Variants in CORO7 observed in about 807,000 individuals in gnomAD.
The protein encoded by CORO7 is coronin-7.
CORO7 carries 107 observed loss-of-function variants against 126.6 expected under a neutral mutation model. That is an observed-to-expected ratio of 0.85 (90% CI 0.72 to 0.99). The LOEUF is 0.99. Among genes scored for constraint, CORO7 ranks in the 50% least tolerant of loss-of-function variants. The pLI is 0.00. For synonymous variants in CORO7, 603 were observed against 536.8 expected, an observed-to-expected ratio of 1.12 and a Z score of -1.70; for missense variants, 1,314 against 1,255.8, an observed-to-expected ratio of 1.05 and a Z score of -0.70.
intron 6 of CORO7, among the ~76,000 whole-genome samples, chr16:4,403,330 T>C (rs898453025): frequency 6.6e-6 from 1 of 152,120 alleles, no homozygotes; most frequent in Non-Finnish European, 1.5e-5. Flanking sequence ...AGGACCCCGA[T>C]GTACTCCCTT....
Position 4,412,377 on chromosome 16 carries a change from C to T in CORO7, c.211G>A (p.Ala71Thr), listed in dbSNP as rs1220319789. ...QGQGEDKRRV[A>T]HLGCHSDLVT... Reference sequence around the variant, plus strand: ...TCACCTGAATGGCAGCCCAGGTGGGCCACGCGTCGCTTGTCCTCTCCTTGG... The same window carrying T: ...TCACCTGAATGGCAGCCCAGGTGGGTCACGCGTCGCTTGTCCTCTCCTTGG... Residue 71 changes from alanine to threonine, a missense_variant, in exon 3 of 28, where the codon GCC (alanine) becomes ACC (threonine). Physicochemically the swap from Ala to Thr is moderately conservative, Grantham distance 58. Coordinates refer to ENST00000251166, the MANE Select transcript of CORO7 (RefSeq NM_024535.5). 6.2e-7 allele frequency: 1 copy of T among 1,614,172 alleles called. No homozygotes were observed. The highest frequency in any genetic ancestry group is 8.5e-7 in the Non-Finnish European group (1 of 1,180,028).
intron 7 of CORO7, among the ~76,000 whole-genome samples, chr16:4,389,825 CG>C (rs1361193173): frequency 1.3e-5 from 2 of 152,204 alleles, no homozygotes; most frequent in East Asian, 3.8e-4. Flanking sequence ...CAAATATCTG[CG>C]TGTGTGCAGC....
intron 27 of CORO7, 53 bp downstream of exon 27, chr16:4,355,233 C>T: frequency 6.2e-7 from 1 of 1,605,620 alleles, no homozygotes; most frequent in African/African-American, 1.3e-5. Context: ...TGCACCGTGG[C>T]ATGTGCGAGG....
At chr16:4,395,385 G>T (rs777362605) in intron 6 of CORO7, 46 bp from the exon 7 acceptor site, 13 of 1,612,516 alleles carry the variant, frequency 8.1e-6, no homozygotes, top group Middle Eastern at 1.7e-4. Flanking sequence ...AGGGCTGGAG[G>T]GTCCCTGGAA....
At position 4,359,383 on chromosome 16, in the gene CORO7, G is replaced by C. The variant is rs547483612; in HGVS notation, c.2253C>G (p.Gly751=). The change falls in exon 23 of 28, where the codon GGC becomes GGG. Residue 751 remains glycine (G), a splice_region_variant and synonymous_variant. Coordinates refer to ENST00000251166, the MANE Select transcript of CORO7 (RefSeq NM_024535.5). ...GCTCGTACAGGAATACACGGGTGTC[G>C]CCCTGCGGGGAAGAAGGCAGGCTGG... The part of the protein sequence containing the change: ...DTGLVLLTGK[G]DTRVFLYELL... 11 of 1,613,556 alleles carry C rather than the reference G, an allele frequency of 6.8e-6. No individual in the cohort carries two copies. Among genetic ancestry groups the C allele is most frequent in the Non-Finnish European group, 8.5e-6 (10 of 1,179,958 alleles).
In CORO7 at chr16:4,362,212, G is replaced by T. The variant is rs112909993; in HGVS notation, c.1403-52C>A. On this transcript the variant is annotated intron_variant, in intron 15 of 27. Transcript: ENST00000251166. This position sits in a 1 kb window ranked among gnomAD's most constrained non-coding sequence, Gnocchi z 5.3. ...ACGTGTGAGGATGCCGTCCCCGCCC[G>T]CCCTGCACTCTTTGAGTCCCGGCTG... 2 of 1,558,362 alleles carry T rather than the reference G, an allele frequency of 1.3e-6. No homozygotes were observed. Among genetic ancestry groups the T allele is most frequent in the Non-Finnish European group, 1.7e-6 (2 of 1,151,996 alleles).
At chr16:4,367,612 G>A (rs1213497443) in intron 9 of CORO7, among the ~76,000 whole-genome samples, 1 of 152,162 alleles carries the variant, frequency 6.6e-6, no homozygotes, top group East Asian at 1.9e-4. Flanking sequence ...CCTCAGCAGT[G>A]GGGGAAGGGG....
At position 4,412,492 on chromosome 16, in the gene CORO7, A is replaced by G. The variant is rs372545291; in HGVS notation, c.158-62T>C. 5.1e-6 allele frequency: 8 copies of G among 1,575,096 alleles called. No homozygotes were observed. In the African/African-American group the frequency reaches 8.1e-5, roughly 16 times the overall value. ...CACAGGGCCACCCACCTCCTTGCCC[A>G]GGGATCCCAGAGATGAAATCCAGCA... On this transcript the variant is annotated intron_variant, in intron 2 of 27. Transcript: ENST00000251166.
At position 4,357,889 on chromosome 16, in the gene CORO7, T is replaced by C. The variant is rs560202089; in HGVS notation, c.2593+79A>G. 18 of 1,531,736 alleles carry C rather than the reference T, an allele frequency of 1.2e-5. No individual in the cohort carries two copies. The African/African-American group carries it at 2.5e-4, about 21-fold the overall frequency. The allele number at this position is 1,531,736 out of a possible 1,614,324, so 94.9% of individuals were successfully genotyped here. ...AGAGGATTCTGCGTGCCAACAGGAA[T>C]GGAACTTCAACCTGGGCCTTCTGTC... On this transcript the variant is annotated intron_variant, in intron 25 of 27. Transcript: ENST00000251166.
intron 8 of CORO7, 85 bp from the exon 9 acceptor site, chr16:4,388,153 G>A: frequency 3.9e-6 from 6 of 1,524,654 alleles, no homozygotes; most frequent in Non-Finnish European, 5.3e-6. Flanking sequence ...GCGCCTGAGG[G>A]TGCAGCCTGA....
At chr16:4,406,599 CAAG>C (rs1223859355) in intron 5 of CORO7, among the ~76,000 whole-genome samples, 3 of 151,992 alleles carry the variant, frequency 2.0e-5, no homozygotes, top group Non-Finnish European at 2.9e-5. Flanking sequence ...GACGCCCATC[CAAG>C]AAGGTTTTTT....
At chr16:4,413,884 C>G (rs1185187069) in intron 1 of CORO7, among the ~76,000 whole-genome samples, 2 of 151,570 alleles carry the variant, frequency 1.3e-5, no homozygotes, top group African/African-American at 4.8e-5. Context: ...CACGAAGTCC[C>G]TTAGGAAATG....
intron 2 of CORO7, chr16:4,412,888 T>C: frequency 9.0e-6 from 2 of 221,354 alleles, no homozygotes; most frequent in Non-Finnish European, 1.8e-5. Context: ...ATCCATTTTT[T>C]GCTTAAGCCA....
intron 13 of CORO7, 30 bp downstream of exon 13, chr16:4,364,567 C>T (rs2054286050): frequency 1.9e-6 from 3 of 1,543,378 alleles, no homozygotes; most frequent in Admixed American, 2.0e-5. Context: ...CTCGGGGAGG[C>T]TGGGAGAGGT....
rs998523640 is a variant in CORO7, at chr16:4,395,366, C to G, written c.565-27G>C. 1.9e-6 allele frequency: 3 copies of G among 1,613,780 alleles called. No homozygotes were observed. In the Admixed American group the frequency reaches 5.0e-5, roughly 27 times the overall value. On this transcript the variant is annotated intron_variant, in intron 6 of 27. Transcript: ENST00000251166. The stretch of plus-strand genomic sequence containing the variant: ...TGGAAAAGCAGAGAGGAGGAAACAA[C>G]TTGCGATTAGGGCTGGAGGGTCCCT...
intron 1 of CORO7, among the ~76,000 whole-genome samples, chr16:4,414,134 T>C (rs2056318518): frequency 6.8e-6 from 1 of 147,736 alleles, no homozygotes; most frequent in Non-Finnish European, 1.5e-5. Context: ...GAAGTTGCAG[T>C]GAGCCGAGAT....
intron 6 of CORO7, among the ~76,000 whole-genome samples, chr16:4,396,225 G>T (rs549340965): frequency 6.6e-5 from 10 of 152,136 alleles, no homozygotes; most frequent in African/African-American, 2.4e-4. Context: ...GATTACAGGC[G>T]CCCACCACCA....
chr16:4,388,051 C>T lies in CORO7; in HGVS notation c.720G>A (p.Val240=). ...TGFNQMRERE[V]KLWDTRFFSS... ...AGAAGAACCGCGTGTCCCACAGCTT[C>T]ACTTCGCGCTCACGCATCTGCAGGG... The change falls in exon 9 of 28, where the codon GTG becomes GTA. Residue 240 remains valine, a synonymous_variant. Coordinates refer to ENST00000251166, the MANE Select transcript of CORO7 (RefSeq NM_024535.5). The T allele has an allele frequency of 6.2e-7, 1 of 1,612,916 alleles. No individual in the cohort carries two copies. The highest frequency in any genetic ancestry group is 1.7e-5 in the Admixed American group (1 of 59,988).
intron 9 of CORO7, among the ~76,000 whole-genome samples, chr16:4,371,400 TG>T (rs755079401): frequency 3.3e-4 from 50 of 152,200 alleles, no homozygotes; most frequent in Non-Finnish European, 6.5e-4. Flanking sequence ...CCTAAAAATC[TG>T]GATTTCCAGT....
Sources: gnomAD v4.1 joint callset for allele counts (sites outside exome capture counted in the v4.1 genomes callset) on GRCh38, gnomAD v4.1.1 for gene constraint, Gnocchi (gnomAD v3.1) non-coding constraint, MANE v1.5 for transcripts, NCBI Gene and HGNC (gene_info 2026-07-23, HGNC 2026-07-21) for gene names.